DOCK10: variants seen among roughly 807,000 people sequenced by gnomAD.
DOCK10 encodes dedicator of cytokinesis 10, also known as dedicator of cytokinesis protein 10.
DOCK10 carries 145 observed loss-of-function variants against 280.1 expected under a neutral mutation model. The ratio of observed to expected loss-of-function variants is 0.52; its 90% CI spans 0.45 to 0.59. DOCK10 has a LOEUF of 0.59. Ranked by LOEUF, DOCK10 falls within the 20% of genes least tolerant of loss-of-function variation. The probability of loss-of-function intolerance (pLI) is 0.00; values close to 1 mark genes in which losing one functional copy is unlikely to be tolerated. For missense variants in DOCK10, 2,368 were observed against 2,651.7 expected (o/e 0.89, Z 2.35); for synonymous variants, 915 against 942.2 (o/e 0.97, Z 0.53).
intron 1 of DOCK10, among the ~76,000 whole-genome samples, chr2:225,031,747 A>G (rs1313095940): frequency 1.3e-5 from 2 of 152,216 alleles, no homozygotes; most frequent in Non-Finnish European, 2.9e-5. Flanking sequence ...ACAAACATTC[A>G]GCATGGGAAC....
At chr2:225,030,976 C>A (rs1399225413) in intron 1 of DOCK10, among the ~76,000 whole-genome samples, 2 of 152,196 alleles carry the variant, frequency 1.3e-5, no homozygotes, top group Non-Finnish European at 2.9e-5. Context: ...AATCTATACT[C>A]CTGTCATCTC....
intron 1 of DOCK10, among the ~76,000 whole-genome samples, chr2:225,000,804 C>T (rs1044853316): frequency 7.2e-5 from 11 of 152,152 alleles, no homozygotes; most frequent in South Asian, 4.1e-4. Flanking sequence ...GGTGAAACCT[C>T]GTCTGTACTA....
At chr2:225,031,326 T>C (rs904998610) in intron 1 of DOCK10, among the ~76,000 whole-genome samples, 1 of 152,202 alleles carries the variant, frequency 6.6e-6, no homozygotes, top group Non-Finnish European at 1.5e-5. Context: ...TGTTCAGAAA[T>C]GGACTTACAC....
Position 224,773,280 on chromosome 2 carries a change from A to G in DOCK10, c.6081T>C (p.Asn2027=), listed in dbSNP as rs375332115. ...TCTCGTCAATTGCCACTTCAATTGGATTCAGTTCTGTGCTCGATTGGCTAA... is the reference window on the plus strand; with the variant it reads ...TCTCGTCAATTGCCACTTCAATTGGGTTCAGTTCTGTGCTCGATTGGCTAA... ...QVISQSSTEL[N]PIEVAIDEMS... The change falls in exon 53 of 56, where the codon AAT becomes AAC. Residue 2027 remains asparagine (N), a synonymous_variant. Coordinates refer to ENST00000258390, the MANE Select transcript of DOCK10 (RefSeq NM_014689.3). 6.2e-7 allele frequency: 1 copy of G among 1,613,810 alleles called. No homozygotes were observed. Among genetic ancestry groups the G allele is most frequent in the African/African-American group, 1.3e-5 (1 of 74,916 alleles).
chr2:224,817,758 C>T (rs1458987578), intron 29 of DOCK10, among the ~76,000 whole-genome samples: 1 of 152,100 alleles, frequency 6.6e-6, no homozygotes, highest in Non-Finnish European at 1.5e-5. Flanking sequence ...ATTTTCAAAA[C>T]CAGATGACAT....
chr2:225,032,646 T>C (rs281545), intron 1 of DOCK10, among the ~76,000 whole-genome samples: 120,096 of 152,166 alleles, frequency 0.79, 47,563 homozygotes, highest in Middle Eastern at 0.88. Context: ...AGTTGAGTTC[T>C]AACATCACTT....
At chr2:224,863,001 T>A (rs1286195979) in intron 13 of DOCK10, among the ~76,000 whole-genome samples, 2 of 152,220 alleles carry the variant, frequency 1.3e-5, no homozygotes, top group Non-Finnish European at 2.9e-5. Context: ...ATATCAACTT[T>A]TTTCCTTTTT....
chr2:224,787,403 A>C lies in DOCK10; in HGVS notation c.5419-6T>G. 1 of 1,613,474 alleles carries C rather than the reference A, an allele frequency of 6.2e-7. No homozygotes were observed. The highest frequency in any genetic ancestry group is 8.5e-7 in the Non-Finnish European group (1 of 1,179,752). On this transcript the variant is annotated splice_region_variant and splice_polypyrimidine_tract_variant and intron_variant, in intron 48 of 55. Coordinates refer to ENST00000258390, the MANE Select transcript of DOCK10 (RefSeq NM_014689.3). ...AGCTGCTCCACCAGGATATTCTGCA[A>C]TTCCCCCAATCAAAATAAGATTTTA...
At position 224,874,273 on chromosome 2, in the gene DOCK10, T is replaced by C. The variant is rs1698490686; in HGVS notation, c.1094A>G (p.Asp365Gly). Residue 365 changes from aspartate (D) to glycine (G), a missense_variant, in exon 10 of 56, where the codon GAC becomes GGC. Transcript: ENST00000258390. Reference protein sequence around the residue: ...ERLNLFSLDPDIDTLKLQKKD... With the variant: ...ERLNLFSLDPGIDTLKLQKKD... ...GAAAAAATTTTGACTTACATCTATG[T>C]CTGGATCTAGAGAGAACAGATTTAG... 4.3e-5 allele frequency: 69 copies of C among 1,613,090 alleles called. No homozygotes were observed. Among genetic ancestry groups the C allele is most frequent in the Non-Finnish European group, 5.5e-5 (65 of 1,179,476 alleles).
intron 29 of DOCK10, among the ~76,000 whole-genome samples, chr2:224,817,743 A>G (rs948997730): frequency 2.6e-5 from 4 of 152,228 alleles, no homozygotes; most frequent in Admixed American, 1.3e-4. Flanking sequence ...GAGAGAGAGA[A>G]TTGGATTTTC....
intron 1 of DOCK10, among the ~76,000 whole-genome samples, chr2:225,018,732 A>AATATAT (rs57352498): frequency 2.3e-3 from 89 of 38,030 alleles, no homozygotes; most frequent in African/African-American, 5.7e-3. Context: ...ATTTCATGTA[A>AATATAT]ATATATATAT....
rs757472907 is a variant in DOCK10, at chr2:224,845,595, C to A, written c.2283G>T (p.Leu761Phe). 1.9e-6 allele frequency: 3 copies of A among 1,613,140 alleles called. No homozygotes were observed. The South Asian group carries it at 3.3e-5, about 18-fold the overall frequency. Residue 761 changes from leucine (L) to phenylalanine (F), a missense_variant, in exon 20 of 56, where the codon TTG (leucine) becomes TTT (phenylalanine). Leu to Phe is a conservative substitution (Grantham distance 22). This residue lies in a region of DOCK10 where 1,209 missense variants were observed against 1,250.9 expected (regional missense o/e 0.97). Transcript: ENST00000258390. ...PTQLHEKHHI[L>F]FSFYHVTCDI... The stretch of plus-strand genomic sequence containing the variant: ...CACAGGTGACGTGATAAAAAGAAAA[C>A]AAAATATGGTGTTTCTCATGGAGTT...
chr2:224,946,560 A>G (rs1380797662), intron 1 of DOCK10, among the ~76,000 whole-genome samples: 1 of 152,198 alleles, frequency 6.6e-6, no homozygotes, highest in Non-Finnish European at 1.5e-5. Flanking sequence ...TTTAATTTGT[A>G]CCATAATACT....
chr2:224,827,839 C>T (rs779386892), intron 27 of DOCK10, among the ~76,000 whole-genome samples: 1 of 152,124 alleles, frequency 6.6e-6, no homozygotes, highest in Non-Finnish European at 1.5e-5. Context: ...GATTAAAGGT[C>T]CAGCAAGCCA....
chr2:224,877,478 A>G (rs34121244), intron 7 of DOCK10, among the ~76,000 whole-genome samples: 2,654 of 152,184 alleles, frequency 0.017, 81 homozygotes, highest in African/African-American at 0.061. Context: ...ATAGGTTCCT[A>G]TTCTATTGGA....
chr2:224,853,014 C>A lies in DOCK10; in HGVS notation c.1997G>T (p.Arg666Leu), dbSNP rs372497608. ...TTGATTTTTATATACTCTGTAAGGC[C>A]GACAATACTTTGTTGAATCGTAAAC... Reference protein sequence around the residue: ...EFVYDSTKYCRPYRVYKNQIY... With the variant: ...EFVYDSTKYCLPYRVYKNQIY... Residue 666 changes from arginine (R) to leucine (L), a missense_variant, in exon 17 of 56, where the codon CGG (arginine) becomes CTG (leucine). Coordinates refer to ENST00000258390, the MANE Select transcript of DOCK10 (RefSeq NM_014689.3). 9 of 1,612,360 alleles carry A rather than the reference C, an allele frequency of 5.6e-6. No individual in the cohort carries two copies. Among genetic ancestry groups the A allele is most frequent in the Admixed American group, 3.3e-5 (2 of 59,964 alleles).
At chr2:224,998,469 T>C (rs909796949) in intron 1 of DOCK10, among the ~76,000 whole-genome samples, 1 of 152,072 alleles carries the variant, frequency 6.6e-6, no homozygotes, top group Non-Finnish European at 1.5e-5. Context: ...AAGGGAAGGT[T>C]TCCCTTCTCT....
intron 15 of DOCK10, among the ~76,000 whole-genome samples, chr2:224,856,025 T>G (rs1451756457): frequency 2.6e-5 from 4 of 152,198 alleles, no homozygotes; most frequent in African/African-American, 9.6e-5. Context: ...CCTAACCCTA[T>G]GTTCAGTGAA....
chr2:225,022,369 G>A (rs28653459), intron 1 of DOCK10, among the ~76,000 whole-genome samples: 34,126 of 151,998 alleles, frequency 0.22, 4,035 homozygotes, highest in Non-Finnish European at 0.23. Context: ...TTCCACTTCC[G>A]CAGGTGCCCT....
Sources: gnomAD v4.1 joint callset for allele counts (sites outside exome capture counted in the v4.1 genomes callset) on GRCh38, gnomAD v4.1.1 for gene constraint, gnomAD v4.1.1 regional missense constraint, MANE v1.5 for transcripts, NCBI Gene and HGNC (gene_info 2026-07-23, HGNC 2026-07-21) for gene names.